The following TRAF3IP1 variants were observed in gnomAD, a reference collection of about 807,000 sequenced individuals.
The protein encoded by TRAF3IP1 is intraflagellar transport 54, also known as TRAF3-interacting protein 1.
TRAF3IP1 carries 53 observed loss-of-function variants against 89.9 expected under a neutral mutation model. That is an observed-to-expected ratio of 0.59 (90% CI 0.47 to 0.74). The LOEUF (loss-of-function observed/expected upper bound fraction) is 0.74, where lower values mean the gene tolerates loss of function less well. TRAF3IP1 is among the 30% of genes least tolerant of loss of function. TRAF3IP1 has a pLI of 0.00. For synonymous variants in TRAF3IP1, 311 were observed against 322.1 expected (o/e 0.97, Z 0.37); for missense variants, 806 against 866.1 (o/e 0.93, Z 0.87).
In TRAF3IP1 at chr2:238,320,772, ACAT is replaced by A. The variant is rs1697488276; in HGVS notation, c.116_118del (p.Ile39del). The A allele has an allele frequency of 7.0e-7, 1 of 1,425,538 alleles. No homozygotes were observed. The highest frequency in any genetic ancestry group is 9.3e-7 in the Non-Finnish European group (1 of 1,075,678). 88.3% of individuals were successfully genotyped at this position (1,425,538 alleles called of 1,614,324 possible). A position where few individuals can be genotyped will look rare whatever the true frequency, so the allele number is the denominator to read the frequency against. Reference sequence around the variant, plus strand: ...AAGCCCCCGTTCCGCTACCTGCACGACATCATCACGGAGGTGGGCGCCGGGGAC... The same window carrying A: ...AAGCCCCCGTTCCGCTACCTGCACGACATCACGGAGGTGGGCGCCGGGGAC... On this transcript the variant is annotated inframe_deletion, in exon 1 of 17. Transcript: ENST00000373327.
At chr2:238,356,967 A>G (rs1436359373) in intron 15 of TRAF3IP1, among the ~76,000 whole-genome samples, 1 of 151,934 alleles carries the variant, frequency 6.6e-6, no homozygotes, top group Non-Finnish European at 1.5e-5. Flanking sequence ...TTTAGTAGAG[A>G]CGGGGTTTTA....
chr2:238,328,299 G>T (rs184013126), intron 3 of TRAF3IP1, among the ~76,000 whole-genome samples: 1 of 152,032 alleles, frequency 6.6e-6, no homozygotes, highest in Non-Finnish European at 1.5e-5. Flanking sequence ...GGTGTGAGGT[G>T]GTTAGATAAA....
chr2:238,331,401 C>T (rs1203292850), intron 5 of TRAF3IP1, among the ~76,000 whole-genome samples: 3 of 151,952 alleles, frequency 2.0e-5, no homozygotes, highest in Non-Finnish European at 2.9e-5. Context: ...CGTTTGAACT[C>T]GGGAGGCGGA....
At chr2:238,344,347 A>G (rs1698792636) in intron 8 of TRAF3IP1, 150 bp from the exon 9 acceptor site, 5 of 648,718 alleles carry the variant, frequency 7.7e-6, no homozygotes, top group African/African-American at 1.8e-5. Flanking sequence ...CATGTTTTCT[A>G]AAAGCTGCCT....
rs1240639917 is a variant in TRAF3IP1, at chr2:238,351,858, TGTGTGTGTGC to T, written c.1452-967_1452-958del. Among the ~76,000 whole-genome samples the T allele has an allele frequency of 3.1e-4, 33 of 104,816 alleles. No individual in the cohort carries two copies. Among genetic ancestry groups the T allele is most frequent in the Non-Finnish European group, 4.1e-4 (23 of 55,422 alleles). 68.8% of individuals were successfully genotyped at this position (104,816 alleles called of 152,430 possible). On this transcript the variant is annotated intron_variant, in intron 12 of 16. Transcript: ENST00000373327. The surrounding 1 kb of genome is among the most constrained non-coding windows in gnomAD (Gnocchi z 5.2). ...TGGTGTGTGTGTGTGTGTGTGTGTGTGTGTGTGTGCGCGCGCGCGCGTGTGCGTGCATGTG... is the reference window on the plus strand; with the variant it reads ...TGGTGTGTGTGTGTGTGTGTGTGTGTGCGCGCGCGCGTGTGCGTGCATGTG...
intron 15 of TRAF3IP1, among the ~76,000 whole-genome samples, chr2:238,359,475 GT>G (rs1239283493): frequency 1.3e-5 from 2 of 150,768 alleles, no homozygotes; most frequent in Non-Finnish European, 3.0e-5. Context: ...ACTCTTTGAG[GT>G]TTTTTTTTCA....
chr2:238,337,404 T>TGGAGCTGCTGGTCCC (rs1163547485), intron 7 of TRAF3IP1, among the ~76,000 whole-genome samples: 2 of 152,166 alleles, frequency 1.3e-5, no homozygotes, highest in Admixed American at 6.5e-5. Context: ...AAGCAGGGCC[T>TGGAGCTGCTGGTCCC]GGAGCTGCTG....
intron 16 of TRAF3IP1, among the ~76,000 whole-genome samples, chr2:238,398,330 G>T (rs1227721890): frequency 6.9e-6 from 1 of 145,568 alleles, no homozygotes; most frequent in Non-Finnish European, 1.5e-5. Context: ...GGAACAGGTT[G>T]GGGTGGGGCA....
chr2:238,369,638 G>A (rs1228106967), intron 15 of TRAF3IP1, among the ~76,000 whole-genome samples: 2 of 152,166 alleles, frequency 1.3e-5, no homozygotes, highest in Admixed American at 6.5e-5. Context: ...CCTTTGCTGC[G>A]TCTTGCTGAG....
intron 15 of TRAF3IP1, among the ~76,000 whole-genome samples, chr2:238,384,904 TC>T (rs1214915607): frequency 4.6e-5 from 7 of 152,200 alleles, no homozygotes; most frequent in Non-Finnish European, 8.8e-5. Flanking sequence ...TGTGACTAGT[TC>T]CCTTAGTAGT....
chr2:238,352,792 G>C, intron 12 of TRAF3IP1, 35 bp from the exon 13 acceptor site: 1 of 1,583,360 alleles, frequency 6.3e-7, no homozygotes, highest in Non-Finnish European at 8.6e-7. Context: ...ATGAAAATGT[G>C]TAATTCTAAT....
chr2:238,377,933 A>G (rs780538942), intron 15 of TRAF3IP1, among the ~76,000 whole-genome samples: 1 of 152,146 alleles, frequency 6.6e-6, no homozygotes, highest in Non-Finnish European at 1.5e-5. Flanking sequence ...AGTTTTTTGA[A>G]AATTTTCAAG....
At chr2:238,375,742 TTTCTC>T (rs1306403733) in intron 15 of TRAF3IP1, among the ~76,000 whole-genome samples, 1 of 152,224 alleles carries the variant, frequency 6.6e-6, no homozygotes, top group Non-Finnish European at 1.5e-5. Flanking sequence ...TTTTCAATCT[TTTCTC>T]TTATGGTTAA....
intron 16 of TRAF3IP1, among the ~76,000 whole-genome samples, chr2:238,398,444 G>A (rs1701338912): frequency 7.2e-6 from 1 of 139,062 alleles, no homozygotes; most frequent in South Asian, 2.7e-4. Flanking sequence ...ATAGGTGGGG[G>A]GTAGTGGAGG....
In TRAF3IP1 at chr2:238,348,854, T is replaced by G; in HGVS notation, c.1367+6T>G. The G allele has an allele frequency of 6.2e-7, 1 of 1,613,726 alleles. No homozygotes were observed. Among genetic ancestry groups the G allele is most frequent in the African/African-American group, 1.3e-5 (1 of 75,032 alleles). On this transcript the variant is annotated splice_donor_region_variant and intron_variant, in intron 11 of 16. Coordinates refer to ENST00000373327, the MANE Select transcript of TRAF3IP1 (RefSeq NM_015650.4). ...GAGCTTTCATCCAACATCAGGTCTG[T>G]GTGCTTTGAATCCCTTTCCCTCAGC...
At chr2:238,355,676 C>G (rs1040830870) in intron 14 of TRAF3IP1, among the ~76,000 whole-genome samples, 4 of 152,184 alleles carry the variant, frequency 2.6e-5, no homozygotes, top group African/African-American at 9.6e-5. Flanking sequence ...CTTGTTATTT[C>G]TGTTTGTAAT....
In TRAF3IP1 at chr2:238,397,478, C is replaced by G; in HGVS notation, c.1709C>G (p.Ser570Trp). Residue 570 changes from serine to tryptophan, a missense_variant, in exon 16 of 17, where the codon TCG (serine) becomes TGG (tryptophan). Physicochemically the swap from Ser to Trp is radical, Grantham distance 177 (BLOSUM62 -3). Transcript: ENST00000373327. ...PGEKERSLFE[S>W]AWKKEKDIVS... ...CTGTAGGAGCGATCTCTCTTTGAGTCGGCATGGAAGAAGGAGAAGGACATC... is the reference window on the plus strand; with the variant it reads ...CTGTAGGAGCGATCTCTCTTTGAGTGGGCATGGAAGAAGGAGAAGGACATC... 6.2e-7 allele frequency: 1 copy of G among 1,612,762 alleles called. No individual in the cohort carries two copies. The highest frequency in any genetic ancestry group is 8.5e-7 in the Non-Finnish European group (1 of 1,179,848).
In TRAF3IP1 at chr2:238,324,980, A is replaced by G. The variant is rs142738878; in HGVS notation, c.124-326A>G. Among the ~76,000 whole-genome samples, 337 of 152,226 alleles carry G rather than the reference A, an allele frequency of 2.2e-3. 3 individuals are homozygous for G. Among genetic ancestry groups the G allele is most frequent in the African/African-American group, 7.8e-3 (322 of 41,542 alleles). On this transcript the variant is annotated intron_variant, in intron 1 of 16. Transcript: ENST00000373327. Reference sequence around the variant, plus strand: ...TCTTCTGTAAGCCTGGTCCCCATCTAGGTATGATTCCTCCAGGAAGGGTTC... The same window carrying G: ...TCTTCTGTAAGCCTGGTCCCCATCTGGGTATGATTCCTCCAGGAAGGGTTC...
intron 15 of TRAF3IP1, among the ~76,000 whole-genome samples, chr2:238,376,042 T>C (rs6744955): frequency 0.28 from 42,190 of 151,992 alleles, 5,969 homozygotes; most frequent in African/African-American, 0.29. Context: ...GTTAGCAAAC[T>C]TTTTCCGTAA....
Sources: allele counts gnomAD v4.1 joint callset (sites outside exome capture counted in the v4.1 genomes callset), GRCh38; gene constraint gnomAD v4.1.1; non-coding constraint Gnocchi (gnomAD v3.1); transcripts MANE v1.5; gene names NCBI Gene and HGNC (gene_info 2026-07-23, HGNC 2026-07-21).